Variants in SFMBT1 observed in about 807,000 individuals in gnomAD.
SFMBT1 encodes the protein scm-like with four MBT domains protein 1.
SFMBT1 carries 32 observed loss-of-function variants against 108.7 expected under a neutral mutation model. The ratio of observed to expected loss-of-function variants is 0.29; its 90% CI spans 0.22 to 0.40. The LOEUF is 0.40. Ranked by LOEUF, SFMBT1 falls within the 10% of genes least tolerant of loss-of-function variation. SFMBT1 has a pLI of 1.00. For missense variants in SFMBT1, 816 were observed against 1,059.6 expected, an observed-to-expected ratio of 0.77 and a Z score of 3.19; for synonymous variants, 348 against 369.5, an observed-to-expected ratio of 0.94 and a Z score of 0.67.
intron 1 of SFMBT1, among the ~76,000 whole-genome samples, chr3:52,973,188 G>C (rs946687008): frequency 6.6e-5 from 10 of 152,018 alleles, no homozygotes; most frequent in African/African-American, 1.7e-4. Context: ...CTGCATTCTA[G>C]CCTGGGCAAC....
intron 16 of SFMBT1, 41 bp from the exon 17 acceptor site, chr3:52,911,219 A>C (rs1559507523): frequency 1.3e-6 from 2 of 1,527,006 alleles, no homozygotes; most frequent in African/African-American, 1.4e-5. Flanking sequence ...TATTGGGCTA[A>C]TGATTACCCA....
At chr3:52,950,684 G>A (rs550567297) in intron 3 of SFMBT1, among the ~76,000 whole-genome samples, 4 of 152,032 alleles carry the variant, frequency 2.6e-5, no homozygotes, top group Admixed American at 2.6e-4. Context: ...ATGTCGGCCA[G>A]GCTGGTCTTG....
intron 1 of SFMBT1, among the ~76,000 whole-genome samples, chr3:52,973,009 G>A (rs1260000374): frequency 1.3e-5 from 2 of 152,012 alleles, no homozygotes; most frequent in Admixed American, 6.6e-5. Context: ...GTGACAGAGC[G>A]AGACTCTGCC....
At chr3:53,020,928 C>T (rs1313801202) in intron 1 of SFMBT1, among the ~76,000 whole-genome samples, 4 of 152,064 alleles carry the variant, frequency 2.6e-5, no homozygotes. Context: ...CATGGTGGTG[C>T]GTCCCTGTAA....
At chr3:52,932,533 C>G (rs1281208990) in intron 5 of SFMBT1, among the ~76,000 whole-genome samples, 1 of 152,174 alleles carries the variant, frequency 6.6e-6, no homozygotes, top group Non-Finnish European at 1.5e-5. Flanking sequence ...TAAAATTACT[C>G]TAACACATCT....
In SFMBT1 at chr3:52,906,236, T is replaced by G; in HGVS notation, c.2337A>C (p.Ile779=). ...GAAGCCTTTCAGCAACTTCGATCCT[T>G]ATTTCCTTCATTCCCCACAACACAA... ...DENKPPSPKE[I]RIEVAERLHL... Residue 779 remains isoleucine (I), a synonymous_variant, in exon 20 of 21, where the codon ATA becomes ATC. Coordinates refer to ENST00000394752, the MANE Select transcript of SFMBT1 (RefSeq NM_016329.4). 6.2e-7 allele frequency: 1 copy of G among 1,614,110 alleles called. No individual in the cohort carries two copies. The highest frequency in any genetic ancestry group is 1.1e-5 in the South Asian group (1 of 91,084).
chr3:52,979,156 C>T (rs1390007684), intron 1 of SFMBT1, among the ~76,000 whole-genome samples: 1 of 151,470 alleles, frequency 6.6e-6, no homozygotes, highest in Non-Finnish European at 1.5e-5. Flanking sequence ...CATAACTGTG[C>T]TTTTAAATAA....
At chr3:53,045,335 G>A (rs1700191525) in intron 1 of SFMBT1, 1 of 144,890 alleles carries the variant, frequency 6.9e-6, no homozygotes, top group Non-Finnish European at 1.5e-5. Flanking sequence ...AGCGAGCCCG[G>A]GGGGCGGGTC....
At chr3:53,040,967 AATTTTTTTTTTT>A (rs1160678780) in intron 1 of SFMBT1, among the ~76,000 whole-genome samples, 1 of 72,834 alleles carries the variant, frequency 1.4e-5, no homozygotes, top group Non-Finnish European at 3.0e-5. Flanking sequence ...AAGACACCTG[AATTTTTTTTTTT>A]TTTTTTTTTT....
At chr3:52,977,660 G>T (rs1704563014) in intron 1 of SFMBT1, among the ~76,000 whole-genome samples, 1 of 152,150 alleles carries the variant, frequency 6.6e-6, no homozygotes, top group African/African-American at 2.4e-5. Context: ...TTTGGATTTG[G>T]ATAGTGGTTT....
chr3:52,920,713 CCTT>C lies in SFMBT1; in HGVS notation c.1259-66_1259-64del, dbSNP rs1342313588. 15 of 984,290 alleles carry C rather than the reference CCTT, an allele frequency of 1.5e-5. No homozygotes were observed. In the Admixed American group the frequency reaches 3.0e-4, roughly 20 times the overall value. The allele number at this position is 984,290 out of a possible 1,614,324, so 61.0% of individuals were successfully genotyped here. On this transcript the variant is annotated intron_variant, in intron 11 of 20. Coordinates refer to ENST00000394752, the MANE Select transcript of SFMBT1 (RefSeq NM_016329.4). ...AACCTTTTTTTAGACCATTAAATAA[CCTT>C]CTTCATAAACTATTTTCTAGATAAT...
intron 1 of SFMBT1, among the ~76,000 whole-genome samples, chr3:52,988,949 T>G (rs1705023431): frequency 6.6e-6 from 1 of 152,158 alleles, no homozygotes; most frequent in African/African-American, 2.4e-5. Context: ...ATAGTTGTTT[T>G]TATAGATTTC....
chr3:52,956,070 T>C (rs1703770693), intron 2 of SFMBT1, among the ~76,000 whole-genome samples: 1 of 152,210 alleles, frequency 6.6e-6, no homozygotes, highest in Non-Finnish European at 1.5e-5. Context: ...TCAATAAACG[T>C]AGTTCATCAC....
intron 1 of SFMBT1, among the ~76,000 whole-genome samples, chr3:53,010,138 T>C (rs560706094): frequency 3.3e-5 from 5 of 152,222 alleles, no homozygotes; most frequent in South Asian, 2.1e-4. Context: ...CAAGCAATCA[T>C]AATGAAAAGG....
intron 13 of SFMBT1, among the ~76,000 whole-genome samples, chr3:52,917,844 C>T (rs1251729341): frequency 3.3e-5 from 5 of 152,164 alleles, no homozygotes; most frequent in Non-Finnish European, 5.9e-5. Context: ...CTGTCTTCCA[C>T]GAAACCGGTC....
intron 1 of SFMBT1, among the ~76,000 whole-genome samples, chr3:52,986,855 G>A (rs913618073): frequency 1.4e-4 from 21 of 151,828 alleles, no homozygotes; most frequent in Non-Finnish European, 2.4e-4. Flanking sequence ...CAGGAGAATC[G>A]CTTGAACCCG....
rs760871684 is a variant in SFMBT1 at position 52,907,150 on chromosome 3, C to A, written c.2250G>T (p.Leu750=). ...SPTQSEISTS[L]PPDRQRRKRE... Reference sequence around the variant, plus strand: ...TTTTTCTCCTTTGTCTATCTGGAGGCAGCGATGTGGATATCTCACTTTGGG... The same window carrying A: ...TTTTTCTCCTTTGTCTATCTGGAGGAAGCGATGTGGATATCTCACTTTGGG... Residue 750 remains leucine (L), a synonymous_variant, in exon 19 of 21, where the codon CTG becomes CTT. Transcript: ENST00000394752. 1.2e-6 allele frequency: 2 copies of A among 1,614,110 alleles called. No homozygotes were observed. Among genetic ancestry groups the A allele is most frequent in the Non-Finnish European group, 1.7e-6 (2 of 1,179,996 alleles).
At chr3:53,000,211 A>G (rs1422408223) in intron 1 of SFMBT1, among the ~76,000 whole-genome samples, 2 of 146,056 alleles carry the variant, frequency 1.4e-5, no homozygotes, top group Non-Finnish European at 3.0e-5. Context: ...TTAAGCATAC[A>G]CGACACTTCG....
intron 1 of SFMBT1, among the ~76,000 whole-genome samples, chr3:52,990,848 G>A (rs1342467795): frequency 1.3e-5 from 2 of 152,198 alleles, no homozygotes; most frequent in Non-Finnish European, 2.9e-5. Context: ...CTACTATGGG[G>A]TGATGTCAAC....
Sources: allele counts gnomAD v4.1 joint callset (sites outside exome capture counted in the v4.1 genomes callset), GRCh38; gene constraint gnomAD v4.1.1; transcripts MANE v1.5; gene names NCBI Gene and HGNC (gene_info 2026-07-23, HGNC 2026-07-21).